Variants in PDE6G observed in about 807,000 individuals in gnomAD.
PDE6G encodes the protein phosphodiesterase 6G.
PDE6G carries 10 observed loss-of-function variants against 10.9 expected under a neutral mutation model. The ratio of observed to expected loss-of-function variants is 0.91; its 90% CI spans 0.56 to 1.55. PDE6G has a LOEUF of 1.55. PDE6G is among the 40% of genes most tolerant of loss of function. PDE6G has a pLI of 0.00. For synonymous variants in PDE6G, 41 were observed against 42.8 expected, an observed-to-expected ratio of 0.96 and a Z score of 0.16; for missense variants, 102 against 110.1, an observed-to-expected ratio of 0.93 and a Z score of 0.33.
Position 81,653,148 on chromosome 17 carries a change from A to C in PDE6G, c.146+12T>G. On this transcript the variant is annotated intron_variant, in intron 2 of 3. Transcript: ENST00000331056. The surrounding 1 kb of genome is among the most constrained non-coding windows in gnomAD (Gnocchi z 5.2). ...CTCCCTTTCAGAGGCCCCATCCCCCAGCTCTGCTTACCCTTGAACGCCTTT... is the reference window on the plus strand; with the variant it reads ...CTCCCTTTCAGAGGCCCCATCCCCCCGCTCTGCTTACCCTTGAACGCCTTT... 6.2e-7 allele frequency: 1 copy of C among 1,609,994 alleles called. No homozygotes were observed. The highest frequency in any genetic ancestry group is 1.1e-5 in the South Asian group (1 of 90,988).
At chr17:81,658,319 C>G (rs893414804), upstream of PDE6G, among the ~76,000 whole-genome samples, 9 of 151,584 alleles carry the variant, frequency 5.9e-5, no homozygotes, top group Non-Finnish European at 1.2e-4. Flanking sequence ...CTCCTGACCT[C>G]GTGATCTGCC....
At position 81,651,629 on chromosome 17, in the gene PDE6G, C is replaced by G. The variant is rs542089493; in HGVS notation, c.187+16G>C. 1 of 1,613,370 alleles carries G rather than the reference C, an allele frequency of 6.2e-7. No homozygotes were observed. Among genetic ancestry groups the G allele is most frequent in the East Asian group, 2.2e-5 (1 of 44,882 alleles). On this transcript the variant is annotated intron_variant, in intron 3 of 3. Coordinates refer to ENST00000331056, the MANE Select transcript of PDE6G (RefSeq NM_002602.4). This position sits in a 1 kb window ranked among gnomAD's most constrained non-coding sequence, Gnocchi z 4.8. ...GACCTGGGCAGACCTCGGGTTGGTA[C>G]TGGCAGCCGTCATACCTGTTCCCAG... is the stretch of plus-strand genomic sequence containing the variant.
chr17:81,655,293 AG>A (rs1329661700), intron 1 of PDE6G, among the ~76,000 whole-genome samples: 1 of 152,184 alleles, frequency 6.6e-6, no homozygotes, highest in Non-Finnish European at 1.5e-5. Context: ...TGAGCTGTGA[AG>A]CCCTGCGTTC....
In PDE6G at chr17:81,651,250, A is replaced by G. The variant is rs2036348703; in HGVS notation, c.188-100T>C. On this transcript the variant is annotated intron_variant, in intron 3 of 3. Transcript: ENST00000331056. The surrounding 1 kb of genome is among the most constrained non-coding windows in gnomAD (Gnocchi z 4.8). ...TCCCACAGCCCAGGTGTAGCCCTAC[A>G]GTGTGCTGAGCGGGGACGTGCGGAC... 1 of 870,590 alleles carries G rather than the reference A, an allele frequency of 1.1e-6. No homozygotes were observed. Among genetic ancestry groups the G allele is most frequent in the Non-Finnish European group, 1.9e-6 (1 of 522,414 alleles). The allele number at this position is 870,590 out of a possible 1,614,324, so 53.9% of individuals were successfully genotyped here. A position where few individuals can be genotyped will look rare whatever the true frequency, so the allele number is the denominator to read the frequency against.
chr17:81,654,111 C>T (rs564921842), intron 1 of PDE6G, among the ~76,000 whole-genome samples: 1 of 152,120 alleles, frequency 6.6e-6, no homozygotes, highest in East Asian at 1.9e-4. Context: ...CCACCGCACC[C>T]GGCCCAGCTG....
chr17:81,658,481 C>T (rs2036477314), upstream of PDE6G, among the ~76,000 whole-genome samples: 1 of 151,946 alleles, frequency 6.6e-6, no homozygotes, highest in Non-Finnish European at 1.5e-5. Flanking sequence ...CATGGTCAAA[C>T]CACTCCAGCC....
At chr17:81,660,568 G>A (rs894959883), upstream of PDE6G, among the ~76,000 whole-genome samples, 2 of 152,138 alleles carry the variant, frequency 1.3e-5, no homozygotes, top group African/African-American at 4.8e-5. Flanking sequence ...CAAACTCACT[G>A]CAGCCTTGAC....
chr17:81,652,425 C>T (rs535728237), intron 2 of PDE6G, among the ~76,000 whole-genome samples: 45 of 151,942 alleles, frequency 3.0e-4, no homozygotes, highest in African/African-American at 8.4e-4. Context: ...TACAGGCGCC[C>T]GCCACCACGC....
chr17:81,655,391 G>C (rs904108855), intron 1 of PDE6G, among the ~76,000 whole-genome samples: 1 of 152,222 alleles, frequency 6.6e-6, no homozygotes, highest in Non-Finnish European at 1.5e-5. Context: ...GAATCACCAG[G>C]CCCTCTCTGT....
upstream of PDE6G, among the ~76,000 whole-genome samples, chr17:81,659,455 G>C (rs1330680380): frequency 1.3e-5 from 2 of 151,610 alleles, no homozygotes; most frequent in Non-Finnish European, 2.9e-5. Context: ...AAAAATTAGT[G>C]GGGCGTGGTG....
In PDE6G at chr17:81,651,344, G is replaced by T. The variant is rs112254747; in HGVS notation, c.188-194C>A. ...AAGGAGGGTGGGTGCAGCAGGTCCA[G>T]GGGAGGGAACCAGAGGAGGGTGGGG... On this transcript the variant is annotated intron_variant, in intron 3 of 3. Transcript: ENST00000331056. The surrounding 1 kb of genome is among the most constrained non-coding windows in gnomAD (Gnocchi z 4.8). Among the ~76,000 whole-genome samples, 2 of 152,212 alleles carry T rather than the reference G, an allele frequency of 1.3e-5. No individual in the cohort carries two copies. The highest frequency in any genetic ancestry group is 4.8e-5 in the African/African-American group (2 of 41,538).
chr17:81,658,344 G>A (rs181268029), upstream of PDE6G, among the ~76,000 whole-genome samples: 734 of 151,004 alleles, frequency 4.9e-3, 4 homozygotes, highest in Non-Finnish European at 7.8e-3. Context: ...TTGGCCTCCC[G>A]AAGTGCTGGG....
chr17:81,658,676 A>C (rs2036479897), upstream of PDE6G, among the ~76,000 whole-genome samples: 1 of 152,074 alleles, frequency 6.6e-6, no homozygotes, highest in African/African-American at 2.4e-5. Flanking sequence ...CCCTGTCTCT[A>C]CTAAAAATAC....
At chr17:81,662,118 A>G (rs2036517644) in intron 1 of PDE6G, among the ~76,000 whole-genome samples, 1 of 152,090 alleles carries the variant, frequency 6.6e-6, no homozygotes, top group African/African-American at 2.4e-5. Context: ...ACCAATGTAC[A>G]TATGATAGGT....
chr17:81,654,448 T>C (rs1437522980), intron 1 of PDE6G, among the ~76,000 whole-genome samples: 1 of 148,790 alleles, frequency 6.7e-6, no homozygotes, highest in Non-Finnish European at 1.5e-5. Flanking sequence ...GGCGAGATCT[T>C]GGCTCACTGC....
Position 81,653,592 on chromosome 17 carries a change from C to T in PDE6G, c.-59-228G>A. 1 of 487,152 alleles carries T rather than the reference C, an allele frequency of 2.1e-6. No homozygotes were observed. Among genetic ancestry groups the T allele is most frequent in the East Asian group, 3.8e-5 (1 of 26,060 alleles). The allele number at this position is 487,152 out of a possible 1,614,324, so 30.2% of individuals were successfully genotyped here. The stretch of plus-strand genomic sequence containing the variant: ...GTGGATGCCCCCCTGCAACGCTGGC[C>T]ACACACAGCTCCGGACTCCCCCCTG... On this transcript the variant is annotated intron_variant, in intron 1 of 3. Transcript: ENST00000331056. The surrounding 1 kb of genome is among the most constrained non-coding windows in gnomAD (Gnocchi z 5.2).
chr17:81,658,202 G>A (rs1023570017), upstream of PDE6G, among the ~76,000 whole-genome samples: 7 of 151,522 alleles, frequency 4.6e-5, no homozygotes, highest in Non-Finnish European at 1.0e-4. Context: ...CTCCTGCCTC[G>A]GCCTCCTGAG....
At chr17:81,652,304 T>G (rs2036370923) in intron 2 of PDE6G, among the ~76,000 whole-genome samples, 1 of 152,206 alleles carries the variant, frequency 6.6e-6, no homozygotes, top group South Asian at 2.1e-4. Context: ...TGAGACGGAG[T>G]CTCACTCTGT....
intron 1 of PDE6G, among the ~76,000 whole-genome samples, chr17:81,655,012 C>T (rs2036425172): frequency 6.6e-6 from 1 of 152,076 alleles, no homozygotes; most frequent in Non-Finnish European, 1.5e-5. Flanking sequence ...CCACCTTGGC[C>T]TCCCAAAGTG....
Sources: allele counts gnomAD v4.1 joint callset (sites outside exome capture counted in the v4.1 genomes callset), GRCh38; gene constraint gnomAD v4.1.1; non-coding constraint Gnocchi (gnomAD v3.1); transcripts MANE v1.5; gene names NCBI Gene and HGNC (gene_info 2026-07-23, HGNC 2026-07-21).